ZRANB3: variants seen among roughly 807,000 people sequenced by gnomAD.
ZRANB3 encodes DNA annealing helicase and endonuclease ZRANB3.
Under a neutral mutation model 133.8 loss-of-function variants are expected in ZRANB3, and 125 were observed. That is an observed-to-expected ratio of 0.93 (90% CI 0.81 to 1.08). The LOEUF is 1.08. Among genes scored for constraint, ZRANB3 ranks in the 50% least tolerant of loss-of-function variants. The pLI is 0.00. For missense variants in ZRANB3, 1,229 were observed against 1,275.5 expected, an observed-to-expected ratio of 0.96 and a Z score of 0.56; for synonymous variants, 387 against 432.7, an observed-to-expected ratio of 0.89 and a Z score of 1.31.
chr2:135,403,495 C>T (rs1006542771), intron 2 of ZRANB3, among the ~76,000 whole-genome samples: 4 of 152,244 alleles, frequency 2.6e-5, no homozygotes, highest in Admixed American at 1.3e-4. Flanking sequence ...CTCAAGGAGG[C>T]CTGCCTGCCT....
intron 11 of ZRANB3, 127 bp from the exon 12 acceptor site, chr2:135,265,813 A>C: frequency 1.8e-4 from 184 of 996,178 alleles, no homozygotes; most frequent in Non-Finnish European, 2.4e-4. Flanking sequence ...CCAACATATC[A>C]TGGGCTTTAG....
chr2:135,422,096 CACATTCGTAG>C (rs1361047412), intron 2 of ZRANB3, among the ~76,000 whole-genome samples: 11 of 152,050 alleles, frequency 7.2e-5, no homozygotes, highest in African/African-American at 2.7e-4. Flanking sequence ...TGCAAGGTGT[CACATTCGTAG>C]AGTCAATAAA....
chr2:135,381,413 C>T (rs1485581192), intron 3 of ZRANB3, among the ~76,000 whole-genome samples: 3 of 152,236 alleles, frequency 2.0e-5, no homozygotes, highest in African/African-American at 7.2e-5. Flanking sequence ...CTGTAGACTC[C>T]ACCTCTGTGG....
chr2:135,266,379 G>A (rs1680249056), intron 11 of ZRANB3, among the ~76,000 whole-genome samples: 1 of 152,094 alleles, frequency 6.6e-6, no homozygotes, highest in African/African-American at 2.4e-5. Flanking sequence ...GTCTTTTGTG[G>A]GAAAAATTTA....
chr2:135,488,025 G>A (rs1692198966), intron 2 of ZRANB3, among the ~76,000 whole-genome samples: 1 of 152,140 alleles, frequency 6.6e-6, no homozygotes, highest in Admixed American at 6.6e-5. Context: ...AGTGAGAGAT[G>A]TATGATCTTT....
intron 2 of ZRANB3, among the ~76,000 whole-genome samples, chr2:135,497,989 G>A (rs2104814992): frequency 6.6e-6 from 1 of 152,014 alleles, no homozygotes; most frequent in Admixed American, 6.5e-5. Flanking sequence ...GAAGGCAGAG[G>A]TTGCAGTGAG....
At chr2:135,394,410 A>C (rs1490821659) in intron 2 of ZRANB3, among the ~76,000 whole-genome samples, 3 of 152,202 alleles carry the variant, frequency 2.0e-5, no homozygotes, top group African/African-American at 4.8e-5. Context: ...CACTCTAAAT[A>C]AAGACTAGAA....
chr2:135,291,066 T>A (rs1298270738), intron 8 of ZRANB3, among the ~76,000 whole-genome samples: 3 of 152,158 alleles, frequency 2.0e-5, no homozygotes, highest in Non-Finnish European at 4.4e-5. Flanking sequence ...TTCACCATGC[T>A]GGCCAGGTTG....
chr2:135,350,350 C>T (rs1685149673), intron 4 of ZRANB3, 135 bp from the exon 5 acceptor site: 1 of 576,080 alleles, frequency 1.7e-6, no homozygotes, highest in East Asian at 2.9e-5. Flanking sequence ...GGTACTACTA[C>T]TGAAACTCTG....
chr2:135,323,060 T>C (rs555486685), intron 6 of ZRANB3, among the ~76,000 whole-genome samples: 15 of 152,116 alleles, frequency 9.9e-5, no homozygotes, highest in Non-Finnish European at 2.1e-4. Flanking sequence ...AAACATGGTA[T>C]ACCACTCCAT....
chr2:135,503,218 T>C (rs1018125743), intron 2 of ZRANB3, among the ~76,000 whole-genome samples: 1 of 152,226 alleles, frequency 6.6e-6, no homozygotes, highest in Non-Finnish European at 1.5e-5. Flanking sequence ...TAATCATACA[T>C]ATATTTAAGT....
At chr2:135,261,107 ATGGCAAGTT>A (rs1679942367) in intron 12 of ZRANB3, among the ~76,000 whole-genome samples, 1 of 151,662 alleles carries the variant, frequency 6.6e-6, no homozygotes, top group Non-Finnish European at 1.5e-5. Context: ...TTGATGTCAA[ATGGCAAGTT>A]TGGTTAATCT....
chr2:135,215,829 G>C (rs145290509), intron 17 of ZRANB3, among the ~76,000 whole-genome samples: 1 of 151,964 alleles, frequency 6.6e-6, no homozygotes, highest in African/African-American at 2.4e-5. Flanking sequence ...TTCTGTTTTG[G>C]GGGGTGCAAT....
intron 2 of ZRANB3, among the ~76,000 whole-genome samples, chr2:135,405,348 T>TA (rs1368000488): frequency 6.6e-6 from 1 of 152,180 alleles, no homozygotes; most frequent in Non-Finnish European, 1.5e-5. Flanking sequence ...CAAAGAGACT[T>TA]AGACTCACAC....
intron 2 of ZRANB3, among the ~76,000 whole-genome samples, chr2:135,397,447 C>CAAAAA (rs373434643): frequency 1.7e-5 from 2 of 116,798 alleles, no homozygotes; most frequent in South Asian, 2.6e-4. Context: ...GACCCTGACT[C>CAAAAA]AAAAAAAAAA....
rs1464945798 is a variant in ZRANB3 at position 135,413,656 on chromosome 2, A to C, written c.162-22836T>G. On this transcript the variant is annotated intron_variant, in intron 2 of 20. Transcript: ENST00000264159. The stretch of plus-strand genomic sequence containing the variant: ...ATTTATAATTATATGCTAGTTAACA[A>C]GAGTCTACTTTAAGCTTTTACAGAA... 2.6e-5 allele frequency among the ~76,000 whole-genome samples: 4 copies of C among 152,140 alleles called. No individual in the cohort carries two copies. In the East Asian group the frequency reaches 7.7e-4, roughly 29 times the overall value.
At chr2:135,243,244 G>A (rs994942452) in intron 12 of ZRANB3, among the ~76,000 whole-genome samples, 9 of 152,186 alleles carry the variant, frequency 5.9e-5, no homozygotes, top group Non-Finnish European at 8.8e-5. Flanking sequence ...GGCTGGGCGC[G>A]GTGGCTCACG....
At chr2:135,296,413 T>C (rs1005084149) in intron 8 of ZRANB3, among the ~76,000 whole-genome samples, 8 of 152,216 alleles carry the variant, frequency 5.3e-5, no homozygotes, top group South Asian at 2.1e-4. Context: ...TCTCGTGCCA[T>C]GGTTTTCAGC....
chr2:135,496,384 TAAAAAAA>T (rs56770947), intron 2 of ZRANB3, among the ~76,000 whole-genome samples: 29 of 33,320 alleles, frequency 8.7e-4, no homozygotes, highest in East Asian at 3.2e-3. Flanking sequence ...AACTCCATCT[TAAAAAAA>T]AAAAAAAAAA....
Sources: allele counts gnomAD v4.1 joint callset (sites outside exome capture counted in the v4.1 genomes callset), GRCh38; gene constraint gnomAD v4.1.1; transcripts MANE v1.5; gene names NCBI Gene and HGNC (gene_info 2026-07-23, HGNC 2026-07-21).